The following CLIC5 variants were observed in gnomAD, a reference collection of about 807,000 sequenced individuals.
CLIC5 encodes the protein chloride intracellular channel protein 5.
In CLIC5, 20 loss-of-function variants were observed where a neutral mutation model predicts 24.7. The observed-to-expected ratio is 0.81, with a 90% confidence interval of 0.57 to 1.18. The LOEUF is 1.18. Among genes scored for constraint, CLIC5 ranks in the 50% most tolerant of loss-of-function variants. The pLI is 0.00. For missense variants in CLIC5, 341 were observed against 326.1 expected (o/e 1.05, Z -0.35); for synonymous variants, 159 against 135.6 (o/e 1.17, Z -1.20).
At chr6:46,103,676 C>T in the CLIC5 span, among the ~76,000 whole-genome samples, 12 of 152,130 alleles carry the variant, frequency 7.9e-5, no homozygotes, top group African/African-American at 2.9e-4. Flanking sequence ...GGGGTAGTCA[C>T]TCTGTGGTTT....
At chr6:46,016,939 C>G (rs184104128), upstream of CLIC5, among the ~76,000 whole-genome samples, 19 of 152,354 alleles carry the variant, frequency 1.2e-4, no homozygotes, top group African/African-American at 3.6e-4. Flanking sequence ...CTTATTCATT[C>G]TTCTGTCAAT....
chr6:46,043,039 G>T (rs1402142259), intron 1 of CLIC5, among the ~76,000 whole-genome samples: 1 of 152,170 alleles, frequency 6.6e-6, no homozygotes, highest in African/African-American at 2.4e-5. Flanking sequence ...TATTTCAGAA[G>T]TGTGTAATTT....
the CLIC5 span, among the ~76,000 whole-genome samples, chr6:46,093,025 T>A: frequency 6.6e-6 from 1 of 152,174 alleles, no homozygotes; most frequent in Non-Finnish European, 1.5e-5. Context: ...CTGCCTTTTA[T>A]CAGACTAAGC....
chr6:46,043,513 G>A (rs1767873262), intron 1 of CLIC5, among the ~76,000 whole-genome samples: 1 of 152,188 alleles, frequency 6.6e-6, no homozygotes, highest in Non-Finnish European at 1.5e-5. Flanking sequence ...AACTTATTTT[G>A]GAACTTTTGT....
the CLIC5 span, among the ~76,000 whole-genome samples, chr6:46,112,446 A>G: frequency 2.0e-5 from 3 of 152,214 alleles, no homozygotes; most frequent in East Asian, 5.8e-4. Context: ...GTTTTGCCGC[A>G]ATCCAAGTCC....
At chr6:46,113,020 C>T in the CLIC5 span, among the ~76,000 whole-genome samples, 1 of 152,272 alleles carries the variant, frequency 6.6e-6, no homozygotes, top group African/African-American at 2.4e-5. Context: ...GATGCCACTG[C>T]ATTCCAGCCT....
At chr6:46,007,402 C>T (rs563797283) in intron 1 of CLIC5, among the ~76,000 whole-genome samples, 17 of 152,286 alleles carry the variant, frequency 1.1e-4, no homozygotes, top group Admixed American at 8.5e-4. Context: ...GCTGAGTCTT[C>T]GGTGTTGGTG....
At chr6:46,045,132 A>G (rs1388726218) in intron 1 of CLIC5, among the ~76,000 whole-genome samples, 1 of 152,178 alleles carries the variant, frequency 6.6e-6, no homozygotes, top group Non-Finnish European at 1.5e-5. Flanking sequence ...ACTCTGTGTC[A>G]AGTTTCCACA....
intron 4 of CLIC5, among the ~76,000 whole-genome samples, chr6:45,918,347 C>T (rs948438166): frequency 6.6e-6 from 1 of 152,028 alleles, no homozygotes; most frequent in Non-Finnish European, 1.5e-5. Flanking sequence ...ATATTCTTAC[C>T]AGGGCATGGA....
chr6:46,103,480 ATTCT>A, the CLIC5 span, among the ~76,000 whole-genome samples: 2 of 152,150 alleles, frequency 1.3e-5, no homozygotes, highest in Non-Finnish European at 2.9e-5. Flanking sequence ...CTTACTATCT[ATTCT>A]TTCTGAGGAC....
At chr6:45,967,618 C>A (rs577805731) in intron 1 of CLIC5, among the ~76,000 whole-genome samples, 51 of 152,258 alleles carry the variant, frequency 3.3e-4, no homozygotes, top group African/African-American at 1.2e-3. Flanking sequence ...TAAAGAAATA[C>A]CTGAGACTGG....
the CLIC5 span, among the ~76,000 whole-genome samples, chr6:46,097,560 A>G: frequency 1.3e-5 from 2 of 152,342 alleles, no homozygotes; most frequent in Non-Finnish European, 2.9e-5. Flanking sequence ...ACCATCAGTT[A>G]CTTACAGAGG....
intron 1 of CLIC5, among the ~76,000 whole-genome samples, chr6:46,069,423 G>A (rs903036921): frequency 1.3e-5 from 2 of 151,956 alleles, no homozygotes; most frequent in East Asian, 3.8e-4. Flanking sequence ...CAGAGAATAC[G>A]ATGAACACCC....
intron 1 of CLIC5, among the ~76,000 whole-genome samples, chr6:46,006,015 T>TAC (rs370744621): frequency 0.27 from 37,618 of 137,942 alleles, 6,531 homozygotes; most frequent in Middle Eastern, 0.42. Context: ...TATATATATA[T>TAC]ACACACATGT....
intron 1 of CLIC5, among the ~76,000 whole-genome samples, chr6:46,054,220 A>G (rs1581903826): frequency 1.3e-5 from 2 of 152,148 alleles, no homozygotes; most frequent in Admixed American, 6.5e-5. Context: ...TCTGGCAGGT[A>G]TCTAATCTGC....
the CLIC5 span, among the ~76,000 whole-genome samples, chr6:46,085,954 G>A: frequency 3.3e-5 from 5 of 152,216 alleles, no homozygotes; most frequent in Non-Finnish European, 5.9e-5. Context: ...AATGGCGGGT[G>A]CCCCTCCCCC....
chr6:45,888,354 AG>A (rs1762322688), intron 6 of CLIC5, among the ~76,000 whole-genome samples: 1 of 152,238 alleles, frequency 6.6e-6, no homozygotes. Flanking sequence ...TTCTGTAAAA[AG>A]AATCTGGTAA....
At chr6:46,103,245 T>C in the CLIC5 span, among the ~76,000 whole-genome samples, 5 of 152,196 alleles carry the variant, frequency 3.3e-5, no homozygotes. Context: ...TGTAGGCTTT[T>C]GAAAAATAAG....
chr6:46,014,307 T>G (rs1023334068), intron 1 of CLIC5: 13 of 152,138 alleles, frequency 8.5e-5, no homozygotes, highest in Non-Finnish European at 1.6e-4. Context: ...TTTATGTAGA[T>G]CTCATACTTT....
Sources: allele counts gnomAD v4.1 joint callset (sites outside exome capture counted in the v4.1 genomes callset), GRCh38; gene constraint gnomAD v4.1.1; transcripts MANE v1.5; gene names NCBI Gene and HGNC (gene_info 2026-07-23, HGNC 2026-07-21).